ACSL3: variants seen among roughly 807,000 people sequenced by gnomAD.
ACSL3 encodes acyl-CoA synthetase long chain family member 3.
Under a neutral mutation model 84.7 loss-of-function variants are expected in ACSL3, and 34 were observed. The observed-to-expected ratio is 0.40, with a 90% CI of 0.31 to 0.53. ACSL3 has a LOEUF of 0.53. Ranked by LOEUF, ACSL3 falls within the 20% of genes least tolerant of loss-of-function variation. The pLI, the probability that ACSL3 is intolerant of heterozygous loss-of-function variation, is 0.48. For missense variants in ACSL3, 680 were observed against 873.1 expected, an observed-to-expected ratio of 0.78 and a Z score of 2.79; for synonymous variants, 315 against 299.4, an observed-to-expected ratio of 1.05 and a Z score of -0.54.
chr2:222,923,911 C>CTGTATACTTTAAAGTAT (rs1696805462), intron 10 of ACSL3, among the ~76,000 whole-genome samples: 1 of 152,164 alleles, frequency 6.6e-6, no homozygotes, highest in Non-Finnish European at 1.5e-5. Context: ...AAGTATACTT[C>CTGTATACTTTAAAGTAT]ACAGTAATGG....
At chr2:222,930,909 T>G (rs1216213863) in intron 14 of ACSL3, 97 bp downstream of exon 14, 1 of 1,114,066 alleles carries the variant, frequency 9.0e-7, no homozygotes, top group Non-Finnish European at 1.3e-6. Context: ...AATATAAATC[T>G]TTATGTAATC....
chr2:222,914,019 C>A (rs1696509936), intron 4 of ACSL3, among the ~76,000 whole-genome samples: 1 of 152,094 alleles, frequency 6.6e-6, no homozygotes, highest in Non-Finnish European at 1.5e-5. Flanking sequence ...TGTGGCTCCC[C>A]TCAGAATAAT....
At chr2:222,876,091 T>C (rs1245760251) in intron 1 of ACSL3, among the ~76,000 whole-genome samples, 1 of 152,192 alleles carries the variant, frequency 6.6e-6, no homozygotes, top group Non-Finnish European at 1.5e-5. Flanking sequence ...AAGTAGATAT[T>C]AGAAGACTTC....
chr2:222,926,236 A>G (rs1433767229), intron 11 of ACSL3, among the ~76,000 whole-genome samples: 2 of 152,202 alleles, frequency 1.3e-5, no homozygotes, highest in African/African-American at 4.8e-5. Flanking sequence ...GGATGTGTGT[A>G]GGCTTTATGC....
chr2:222,885,507 A>G (rs1695697954), intron 1 of ACSL3, among the ~76,000 whole-genome samples: 1 of 152,222 alleles, frequency 6.6e-6, no homozygotes, highest in Non-Finnish European at 1.5e-5. Flanking sequence ...GTTAATATAC[A>G]TAGCCTGCTT....
intron 1 of ACSL3, among the ~76,000 whole-genome samples, chr2:222,882,865 T>G (rs887542191): frequency 6.6e-5 from 10 of 151,020 alleles, no homozygotes; most frequent in Admixed American, 2.0e-4. Flanking sequence ...CCTCCTGGCT[T>G]CAAGTGATTC....
intron 1 of ACSL3, among the ~76,000 whole-genome samples, chr2:222,886,540 T>G (rs1695726601): frequency 6.6e-6 from 1 of 152,228 alleles, no homozygotes; most frequent in Non-Finnish European, 1.5e-5. Flanking sequence ...TGTTAATATA[T>G]TCTTAAAAAT....
chr2:222,921,736 A>G (rs890067540), intron 8 of ACSL3, among the ~76,000 whole-genome samples: 6 of 152,174 alleles, frequency 3.9e-5, no homozygotes, highest in African/African-American at 1.4e-4. Flanking sequence ...AATACAATTC[A>G]GGTGAACAGG....
In ACSL3 at chr2:222,918,165, C is replaced by G. The variant is rs950919407; in HGVS notation, c.666+10C>G. 1 of 1,561,756 alleles carries G rather than the reference C, an allele frequency of 6.4e-7. No homozygotes were observed. Among genetic ancestry groups the G allele is most frequent in the African/African-American group, 1.4e-5 (1 of 73,634 alleles). On this transcript the variant is annotated intron_variant, in intron 6 of 16. Coordinates refer to ENST00000357430, the MANE Select transcript of ACSL3 (RefSeq NM_004457.5). Reference sequence around the variant, plus strand: ...ACAAACAAAGTTGAAGGTGAGGACTCTAGTTACTTTCTAACTGTCTGATAC... The same window carrying G: ...ACAAACAAAGTTGAAGGTGAGGACTGTAGTTACTTTCTAACTGTCTGATAC...
At chr2:222,882,784 G>T (rs1211875094) in intron 1 of ACSL3, among the ~76,000 whole-genome samples, 5 of 44,768 alleles carry the variant, frequency 1.1e-4, no homozygotes, top group South Asian at 1.2e-3. Context: ...TTTTTTTGAA[G>T]ACAGATTCTC....
rs572473738 is a variant in ACSL3 at position 222,941,231 on chromosome 2, T to C, written c.2006-266T>C. ...AGGCATGAGCCATCATGCCTGGCTC[T>C]AACTCGTTTTCAATGACAGAATATA... is the stretch of plus-strand genomic sequence containing the variant. On this transcript the variant is annotated intron_variant, in intron 16 of 16. Transcript: ENST00000357430. Among the ~76,000 whole-genome samples the C allele has an allele frequency of 3.9e-3, 587 of 152,280 alleles. 1 individual carries two copies. The highest frequency in any genetic ancestry group is 6.5e-3 in the Non-Finnish European group (445 of 68,014).
chr2:222,923,810 T>C (rs941192600), intron 10 of ACSL3, among the ~76,000 whole-genome samples: 7 of 152,278 alleles, frequency 4.6e-5, no homozygotes, highest in Non-Finnish European at 8.8e-5. Context: ...TCTATAATTA[T>C]AGTTTCTTTA....
chr2:222,870,192 C>G (rs913718526), intron 1 of ACSL3, among the ~76,000 whole-genome samples: 1 of 149,622 alleles, frequency 6.7e-6, no homozygotes, highest in African/African-American at 2.5e-5. Flanking sequence ...ACCTCCTTTT[C>G]CCCCTCCTTT....
At chr2:222,934,892 T>A (rs775393917) in intron 16 of ACSL3, among the ~76,000 whole-genome samples, 1 of 152,226 alleles carries the variant, frequency 6.6e-6, no homozygotes, top group Non-Finnish European at 1.5e-5. Flanking sequence ...TGTACATGTA[T>A]CTTGAATGTT....
intron 16 of ACSL3, among the ~76,000 whole-genome samples, chr2:222,937,703 T>C (rs1697210442): frequency 6.6e-6 from 1 of 152,160 alleles, no homozygotes; most frequent in Non-Finnish European, 1.5e-5. Flanking sequence ...CTAATGTATG[T>C]TTCTTGTGGA....
chr2:222,927,568 G>T (rs939461069), intron 12 of ACSL3, among the ~76,000 whole-genome samples: 4 of 152,128 alleles, frequency 2.6e-5, no homozygotes, highest in Non-Finnish European at 5.9e-5. Context: ...GTATATTAAG[G>T]CTCAGGTTCA....
At chr2:222,864,320 T>A (rs574909926) in intron 1 of ACSL3, among the ~76,000 whole-genome samples, 1 of 151,936 alleles carries the variant, frequency 6.6e-6, no homozygotes, top group Non-Finnish European at 1.5e-5. Context: ...TTTACCGTTT[T>A]GAAGACCTCC....
intron 12 of ACSL3, among the ~76,000 whole-genome samples, chr2:222,928,204 C>T (rs1451455486): frequency 1.3e-5 from 2 of 152,124 alleles, no homozygotes; most frequent in African/African-American, 4.8e-5. Context: ...TTGAAAGCCA[C>T]CAGTCTTATT....
At chr2:222,923,539 AGT>A (rs1696794394) in intron 10 of ACSL3, among the ~76,000 whole-genome samples, 2 of 152,204 alleles carry the variant, frequency 1.3e-5, no homozygotes, top group Non-Finnish European at 2.9e-5. Flanking sequence ...CCTCAGGGAA[AGT>A]CTGGCCTAAA....
Sources: gnomAD v4.1 joint callset for allele counts (sites outside exome capture counted in the v4.1 genomes callset) on GRCh38, gnomAD v4.1.1 for gene constraint, MANE v1.5 for transcripts, NCBI Gene and HGNC (gene_info 2026-07-23, HGNC 2026-07-21) for gene names.